ASPH: variants seen among roughly 807,000 people sequenced by gnomAD.
The protein encoded by ASPH is aspartyl/asparaginyl beta-hydroxylase.
ASPH carries 100 observed loss-of-function variants against 118.4 expected under a neutral mutation model. The observed-to-expected ratio is 0.84, with a 90% CI of 0.72 to 1.00. ASPH has a LOEUF of 1.00. Ranked by LOEUF, ASPH falls within the 50% of genes least tolerant of loss-of-function variation. The pLI, the probability that ASPH is intolerant of heterozygous loss-of-function variation, is 0.00. For missense variants in ASPH, 920 were observed against 919.5 expected (o/e 1.00, Z -0.01); for synonymous variants, 315 against 325.6 (o/e 0.97, Z 0.35).
chr8:61,629,591 G>A (rs533364701), intron 13 of ASPH, among the ~76,000 whole-genome samples: 27 of 152,258 alleles, frequency 1.8e-4, no homozygotes, highest in African/African-American at 5.5e-4. Context: ...AAGAATCCAC[G>A]TGCACAGCAC....
chr8:61,603,235 A>C (rs1212886338), intron 14 of ASPH, among the ~76,000 whole-genome samples: 1 of 151,620 alleles, frequency 6.6e-6, no homozygotes, highest in South Asian at 2.1e-4. Context: ...AGAAATTCAC[A>C]ATAATTTCTG....
Position 61,534,596 on chromosome 8 carries a change from CTTAG to C in ASPH, c.1765-8488_1765-8485del, listed in dbSNP as rs753482361. On this transcript the variant is annotated intron_variant, in intron 21 of 24. Coordinates refer to ENST00000379454, the MANE Select transcript of ASPH (RefSeq NM_004318.4). ...TGGCCTATACACTTTCCTTGCATCA[CTTAG>C]TTAGTATATCCTCAATCCCATGACA... 1.1e-4 allele frequency among the ~76,000 whole-genome samples: 17 copies of C among 152,324 alleles called. No individual in the cohort carries two copies. In the South Asian group the frequency reaches 1.2e-3, roughly 11 times the overall value.
At chr8:61,662,455 T>C (rs1817394870) in intron 3 of ASPH, among the ~76,000 whole-genome samples, 1 of 152,178 alleles carries the variant, frequency 6.6e-6, no homozygotes, top group African/African-American at 2.4e-5. Flanking sequence ...AGGTAACCTT[T>C]CTGGTTTTAA....
chr8:61,695,221 T>C (rs548632725), intron 1 of ASPH, among the ~76,000 whole-genome samples: 1 of 152,232 alleles, frequency 6.6e-6, no homozygotes, highest in African/African-American at 2.4e-5. Flanking sequence ...AGCATACACT[T>C]TTCTACTCCA....
At chr8:61,605,530 C>T (rs952379062) in intron 14 of ASPH, among the ~76,000 whole-genome samples, 13 of 152,172 alleles carry the variant, frequency 8.5e-5, no homozygotes, top group African/African-American at 2.9e-4. Context: ...GATTAACACT[C>T]CTAGTCAAGA....
At chr8:61,709,310 G>A (rs1021055402) in intron 1 of ASPH, among the ~76,000 whole-genome samples, 2 of 152,058 alleles carry the variant, frequency 1.3e-5, no homozygotes, top group Non-Finnish European at 2.9e-5. Context: ...TACCATCTTG[G>A]CTCCCAGCAG....
intron 3 of ASPH, among the ~76,000 whole-genome samples, chr8:61,669,975 G>A (rs1372289197): frequency 6.6e-6 from 1 of 152,144 alleles, no homozygotes; most frequent in Non-Finnish European, 1.5e-5. Context: ...TCCTTATAGT[G>A]ATAGAAATGA....
chr8:61,598,661 A>G (rs1843099581), intron 14 of ASPH, among the ~76,000 whole-genome samples: 1 of 152,220 alleles, frequency 6.6e-6, no homozygotes, highest in Non-Finnish European at 1.5e-5. Context: ...ACATTTACAG[A>G]GCATCATATC....
chr8:61,597,474 A>G (rs1413833156), intron 14 of ASPH, among the ~76,000 whole-genome samples: 1 of 152,218 alleles, frequency 6.6e-6, no homozygotes, highest in Non-Finnish European at 1.5e-5. Flanking sequence ...TATTTAATGA[A>G]ATAATAGCTT....
chr8:61,703,089 T>C (rs772770332), intron 1 of ASPH, among the ~76,000 whole-genome samples: 2 of 152,214 alleles, frequency 1.3e-5, no homozygotes, highest in African/African-American at 4.8e-5. Context: ...AGTGGGACTT[T>C]GAGTGAGAAA....
At chr8:61,649,199 G>A (rs540718852) in intron 5 of ASPH, among the ~76,000 whole-genome samples, 4 of 152,320 alleles carry the variant, frequency 2.6e-5, no homozygotes, top group African/African-American at 9.6e-5. Flanking sequence ...GCCAAAATCA[G>A]TGCTGGGGCA....
At chr8:61,633,602 T>C in intron 13 of ASPH, 81 bp downstream of exon 13, 1 of 1,220,986 alleles carries the variant, frequency 8.2e-7, no homozygotes, top group Non-Finnish European at 1.2e-6. Context: ...CCTTCGTAGA[T>C]TCATTATAAA....
chr8:61,694,828 C>A (rs1833542258), intron 1 of ASPH, among the ~76,000 whole-genome samples: 1 of 152,186 alleles, frequency 6.6e-6, no homozygotes, highest in Non-Finnish European at 1.5e-5. Context: ...CTTACAAAAA[C>A]CTCAAATTCC....
In ASPH at chr8:61,711,615, C is replaced by T. The variant is rs537281858; in HGVS notation, c.103+2654G>A. On this transcript the variant is annotated intron_variant, in intron 1 of 24. Transcript: ENST00000379454. ...CCCAAATTCCAGCTTCCAAACATCA[C>T]TTTTCAGCAAAAAAACCACCAAGAT... Among the ~76,000 whole-genome samples the T allele has an allele frequency of 5.3e-5, 8 of 151,922 alleles. No homozygotes were observed. The South Asian group carries it at 8.3e-4, about 16-fold the overall frequency.
At chr8:61,559,789 C>T (rs910679767) in intron 18 of ASPH, among the ~76,000 whole-genome samples, 6 of 152,042 alleles carry the variant, frequency 3.9e-5, no homozygotes, top group Non-Finnish European at 8.8e-5. Context: ...CATATAAGTA[C>T]ATAAACATAT....
At chr8:61,654,712 T>C (rs1812762736) in intron 3 of ASPH, among the ~76,000 whole-genome samples, 1 of 152,198 alleles carries the variant, frequency 6.6e-6, no homozygotes. Context: ...CAGAGACAGA[T>C]ACACAGGACC....
intron 14 of ASPH, among the ~76,000 whole-genome samples, chr8:61,586,810 A>T (rs2132702364): frequency 6.6e-6 from 1 of 152,278 alleles, no homozygotes; most frequent in Non-Finnish European, 1.5e-5. Context: ...ATATGACTTA[A>T]TCCACTTGCT....
At chr8:61,596,381 A>G (rs1203966908) in intron 14 of ASPH, among the ~76,000 whole-genome samples, 1 of 152,224 alleles carries the variant, frequency 6.6e-6, no homozygotes, top group African/African-American at 2.4e-5. Flanking sequence ...AATACCACAC[A>G]TGCTGCCTAG....
chr8:61,509,540 C>G (rs1000307238), intron 24 of ASPH, among the ~76,000 whole-genome samples: 53 of 152,140 alleles, frequency 3.5e-4, no homozygotes, highest in African/African-American at 1.2e-3. Flanking sequence ...TTTACTGCAA[C>G]CTGTTTTATC....
Sources: allele counts gnomAD v4.1 joint callset (sites outside exome capture counted in the v4.1 genomes callset), GRCh38; gene constraint gnomAD v4.1.1; transcripts MANE v1.5; gene names NCBI Gene and HGNC (gene_info 2026-07-23, HGNC 2026-07-21).